UFM1: variants seen among roughly 807,000 people sequenced by gnomAD.
UFM1 encodes the protein ubiquitin fold modifier 1, also known as ubiquitin-fold modifier 1.
Under a neutral mutation model 15.4 loss-of-function variants are expected in UFM1, and 9 were observed. That is an observed-to-expected ratio of 0.59 (90% CI 0.35 to 1.02). The LOEUF (loss-of-function observed/expected upper bound fraction) is 1.02, where lower values mean the gene tolerates loss of function less well. UFM1 is among the 50% of genes least tolerant of loss of function. The pLI, the probability that UFM1 is intolerant of heterozygous loss-of-function variation, is 0.02. For synonymous variants in UFM1, 27 were observed against 36.3 expected, an observed-to-expected ratio of 0.74 and a Z score of 0.92; for missense variants, 98 against 104.7, an observed-to-expected ratio of 0.94 and a Z score of 0.28.
At position 38,352,742 on chromosome 13, in the gene UFM1, T is replaced by C. The variant is rs954271619; in HGVS notation, c.60-1497T>C. 4.6e-5 allele frequency among the ~76,000 whole-genome samples: 7 copies of C among 152,346 alleles called. No individual in the cohort carries two copies. The East Asian group carries it at 1.4e-3, about 29-fold the overall frequency. ...TTTGATTTGTTTTTATTGGCTTGTCTGTGGACACTCACCAACTTAATATAC... is the reference window on the plus strand; with the variant it reads ...TTTGATTTGTTTTTATTGGCTTGTCCGTGGACACTCACCAACTTAATATAC... On this transcript the variant is annotated intron_variant, in intron 2 of 5. Transcript: ENST00000239878.
intron 3 of UFM1, among the ~76,000 whole-genome samples, chr13:38,355,182 A>G (rs142942699): frequency 3.9e-5 from 6 of 152,134 alleles, no homozygotes; most frequent in African/African-American, 1.4e-4. Context: ...TTAACACACA[A>G]TCCTGCCCTG....
At chr13:38,358,969 G>A (rs1408775294) in intron 4 of UFM1, among the ~76,000 whole-genome samples, 1 of 151,938 alleles carries the variant, frequency 6.6e-6, no homozygotes, top group African/African-American at 2.4e-5. Flanking sequence ...GCATACCTAA[G>A]GGGCTTTTTA....
Position 38,349,906 on chromosome 13 carries a change from A to C in UFM1, c.-14A>C, listed in dbSNP as rs758452184. On this transcript the variant is annotated 5_prime_UTR_variant, in exon 1 of 6. Coordinates refer to ENST00000239878, the MANE Select transcript of UFM1 (RefSeq NM_016617.4). ...CGGAGTTGTCGTGTGTTCTGGATTC[A>C]TTCCGGCACCACCATGTAAGTGTTT... The C allele has an allele frequency of 6.2e-7, 1 of 1,614,020 alleles. No homozygotes were observed. Among genetic ancestry groups the C allele is most frequent in the East Asian group, 2.2e-5 (1 of 44,864 alleles).
At chr13:38,357,189 A>T (rs1040062083) in intron 3 of UFM1, among the ~76,000 whole-genome samples, 1 of 151,978 alleles carries the variant, frequency 6.6e-6, no homozygotes, top group Non-Finnish European at 1.5e-5. Context: ...AAATCATTAC[A>T]GAGGAATGTA....
rs1879451861 is a variant in UFM1, at chr13:38,362,442, AG to A, written c.*1665del. The stretch of plus-strand genomic sequence containing the variant: ...GGTGAAAAAATCTGATGTTTGAGGA[AG>A]TTTTTATTTTTATTTATTTGTTTTG... On this transcript the variant is annotated 3_prime_UTR_variant, in exon 6 of 6. Transcript: ENST00000239878. 1 of 147,626 alleles carries A rather than the reference AG, an allele frequency of 6.8e-6. No homozygotes were observed. The allele number at this position is 147,626 out of a possible 1,614,324, so 9.1% of individuals were successfully genotyped here. A position where few individuals can be genotyped will look rare whatever the true frequency, so the allele number is the denominator to read the frequency against.
At chr13:38,355,441 A>G (rs1444134744) in intron 3 of UFM1, among the ~76,000 whole-genome samples, 1 of 152,034 alleles carries the variant, frequency 6.6e-6, no homozygotes, top group Non-Finnish European at 1.5e-5. Context: ...AGTCTGGGGC[A>G]TAACAGAATC....
chr13:38,358,163 C>A, intron 4 of UFM1, 31 bp downstream of exon 4: 1 of 1,347,050 alleles, frequency 7.4e-7, no homozygotes, highest in East Asian at 2.7e-5. Context: ...TATGTATTAC[C>A]TCAAATTTAT....
intron 4 of UFM1, among the ~76,000 whole-genome samples, chr13:38,358,808 T>C (rs1171266518): frequency 6.6e-6 from 1 of 151,982 alleles, no homozygotes; most frequent in Non-Finnish European, 1.5e-5. Flanking sequence ...CTGCATTCTG[T>C]CACATTGAAG....
intron 2 of UFM1, chr13:38,350,292 T>G (rs765400008): frequency 1.3e-5 from 20 of 1,493,384 alleles, no homozygotes; most frequent in Non-Finnish European, 1.8e-5. Flanking sequence ...GTGGGTGTGT[T>G]TCTGATTAGT....
Position 38,361,546 on chromosome 13 carries a change from G to A in UFM1, c.*768G>A, listed in dbSNP as rs1248577905. The A allele has an allele frequency of 6.6e-6, 1 of 152,168 alleles. No individual in the cohort carries two copies. Among genetic ancestry groups the A allele is most frequent in the African/African-American group, 2.4e-5 (1 of 41,446 alleles). The allele number at this position is 152,168 out of a possible 1,614,324, so 9.4% of individuals were successfully genotyped here. On this transcript the variant is annotated 3_prime_UTR_variant, in exon 6 of 6. Coordinates refer to ENST00000239878, the MANE Select transcript of UFM1 (RefSeq NM_016617.4). ...CAAGTAGCTTCAAGAAACCACTGGT[G>A]TTTTGAGGATAGTATTTCTAAATAG...
chr13:38,356,877 C>T (rs1879124113), intron 3 of UFM1, among the ~76,000 whole-genome samples: 1 of 151,762 alleles, frequency 6.6e-6, no homozygotes, highest in Non-Finnish European at 1.5e-5. Context: ...TAGTCCATAG[C>T]ACAAACATGC....
intron 2 of UFM1, among the ~76,000 whole-genome samples, chr13:38,350,488 A>T (rs1277246411): frequency 6.6e-6 from 1 of 152,182 alleles, no homozygotes; most frequent in Non-Finnish European, 1.5e-5. Flanking sequence ...AAGACTTTGA[A>T]ATTACTTGAA....
intron 2 of UFM1, among the ~76,000 whole-genome samples, chr13:38,350,506 T>G (rs17057848): frequency 0.011 from 1,648 of 152,332 alleles, 27 homozygotes; most frequent in African/African-American, 0.03. Flanking sequence ...GAACATTTGT[T>G]ATTCCGCGGC....
chr13:38,356,096 A>T (rs1879080844), intron 3 of UFM1, among the ~76,000 whole-genome samples: 1 of 151,860 alleles, frequency 6.6e-6, no homozygotes, highest in African/African-American at 2.4e-5. Flanking sequence ...ACAAAAAGGA[A>T]TAGATTCTAC....
intron 2 of UFM1, among the ~76,000 whole-genome samples, chr13:38,353,221 G>A (rs916566417): frequency 2.6e-5 from 4 of 152,156 alleles, no homozygotes; most frequent in Admixed American, 6.5e-5. Context: ...TCTGTAGACT[G>A]AGTGAGGAGC....
chr13:38,351,925 T>G (rs541242933), intron 2 of UFM1, among the ~76,000 whole-genome samples: 2 of 152,222 alleles, frequency 1.3e-5, no homozygotes, highest in Admixed American at 1.3e-4. Flanking sequence ...CTGTGCTATA[T>G]TTTCTTTTCA....
intron 2 of UFM1, among the ~76,000 whole-genome samples, chr13:38,351,777 A>G (rs945794495): frequency 1.3e-5 from 2 of 152,202 alleles, no homozygotes; most frequent in East Asian, 3.8e-4. Context: ...AGTTCAGTTA[A>G]TATGTGGTGA....
In UFM1 at chr13:38,359,292, A is replaced by T; in HGVS notation, c.158-9A>T. 1 of 1,607,114 alleles carries T rather than the reference A, an allele frequency of 6.2e-7. No homozygotes were observed. The highest frequency in any genetic ancestry group is 1.3e-5 in the African/African-American group (1 of 74,744). ...AATAATGTATGTGATTTTACAACTTATTTTCTAGATGGAATAGGAATAAAT... is the reference window on the plus strand; with the variant it reads ...AATAATGTATGTGATTTTACAACTTTTTTTCTAGATGGAATAGGAATAAAT... On this transcript the variant is annotated splice_polypyrimidine_tract_variant and intron_variant, in intron 4 of 5. Transcript: ENST00000239878.
rs1004009262 is a variant in UFM1, at chr13:38,363,376, CAAGTACA to C, written c.*2599_*2605del. ...GTAGGTGACATCAACTAGGTTTGTA[CAAGTACA>C]TTCTGATGTTCACATAGTGACAAAA... On this transcript the variant is annotated 3_prime_UTR_variant, in exon 6 of 6. Transcript: ENST00000239878. 1.3e-5 allele frequency: 2 copies of C among 151,756 alleles called. No individual in the cohort carries two copies. The highest frequency in any genetic ancestry group is 2.9e-5 in the Non-Finnish European group (2 of 67,988). 9.4% of individuals were successfully genotyped at this position (151,756 alleles called of 1,614,324 possible).
Sources: gnomAD v4.1 joint callset for allele counts (sites outside exome capture counted in the v4.1 genomes callset) on GRCh38, gnomAD v4.1.1 for gene constraint, MANE v1.5 for transcripts, NCBI Gene and HGNC (gene_info 2026-07-23, HGNC 2026-07-21) for gene names.